PUDP: variants seen among roughly 807,000 people sequenced by gnomAD.
The protein encoded by PUDP is pseudouridine 5'-phosphatase.
In PUDP, 8 loss-of-function variants were observed where a neutral mutation model predicts 9.4. That is an observed-to-expected ratio of 0.85 (90% CI 0.50 to 1.53). PUDP has a LOEUF of 1.53. PUDP is among the 40% of genes most tolerant of loss of function. The pLI, the probability that PUDP is intolerant of heterozygous loss-of-function variation, is 0.00. For synonymous variants in PUDP, 99 were observed against 80.7 expected (o/e 1.23, Z -1.22); for missense variants, 188 against 189.7 (o/e 0.99, Z 0.05).
At chrX:7,068,998 A>G (rs1930650117) in intron 3 of PUDP, among the ~76,000 whole-genome samples, 1 of 112,112 alleles carries the variant, frequency 8.9e-6, no homozygotes. Context: ...CAAGTAGCAG[A>G]TAAGATCACC....
chrX:6,830,045 C>T (rs906240189), intron 3 of PUDP, among the ~76,000 whole-genome samples: 2 of 110,240 alleles, frequency 1.8e-5, no homozygotes, highest in Non-Finnish European at 3.8e-5. Flanking sequence ...GAATGCCTGT[C>T]AGTACCAGAA....
At chrX:6,907,162 CAGTG>C (rs1157374047) in intron 3 of PUDP, among the ~76,000 whole-genome samples, 1 of 110,845 alleles carries the variant, frequency 9.0e-6, no homozygotes, top group Admixed American at 9.6e-5. Context: ...ATTCTCATAA[CAGTG>C]AGTGAGTTCT....
At chrX:6,807,483 A>G (rs1304357472) in intron 3 of PUDP, among the ~76,000 whole-genome samples, 1 of 112,346 alleles carries the variant, frequency 8.9e-6, no homozygotes, top group South Asian at 3.7e-4. Flanking sequence ...TCTGTTGCAG[A>G]GTTTCTCTAC....
At chrX:6,952,172 C>T (rs1928567465) in intron 3 of PUDP, among the ~76,000 whole-genome samples, 1 of 111,956 alleles carries the variant, frequency 8.9e-6, no homozygotes, top group African/African-American at 3.2e-5. Flanking sequence ...GTTCAATGGG[C>T]ATTACATATA....
At chrX:7,130,961 G>A (rs184106531) in intron 1 of PUDP, among the ~76,000 whole-genome samples, 2 of 101,293 alleles carry the variant, frequency 2.0e-5, no homozygotes, top group Admixed American at 1.0e-4. Context: ...AGTGTAGGTC[G>A]ATGGCCACCT....
At chrX:6,838,427 G>C (rs1017390699) in intron 3 of PUDP, among the ~76,000 whole-genome samples, 1 of 112,308 alleles carries the variant, frequency 8.9e-6, no homozygotes, top group Non-Finnish European at 1.9e-5. Context: ...ACTTAGGCTA[G>C]AGTCAAGGTA....
chrX:7,067,679 T>C (rs1305524811), intron 3 of PUDP, among the ~76,000 whole-genome samples: 1 of 111,547 alleles, frequency 9.0e-6, no homozygotes, highest in Non-Finnish European at 1.9e-5. Flanking sequence ...GTTTGTGAAA[T>C]AACAGTACAG....
At chrX:7,137,887 T>G (rs760858168) in intron 1 of PUDP, among the ~76,000 whole-genome samples, 1 of 112,191 alleles carries the variant, frequency 8.9e-6, no homozygotes, top group Non-Finnish European at 1.9e-5. Context: ...TTCTAACTTG[T>G]ATCTCAGGCT....
chrX:7,099,797 T>C (rs980344100), intron 2 of PUDP, among the ~76,000 whole-genome samples: 7 of 112,101 alleles, frequency 6.2e-5, no homozygotes, highest in Non-Finnish European at 1.1e-4. Flanking sequence ...GATACACCTC[T>C]GCACCATAAT....
At chrX:6,848,624 C>T (rs1180265518) in intron 3 of PUDP, among the ~76,000 whole-genome samples, 1 of 111,957 alleles carries the variant, frequency 8.9e-6, no homozygotes, top group Non-Finnish European at 1.9e-5. Flanking sequence ...AATGTGCTTC[C>T]CAGTGTCCCG....
At chrX:6,717,287 C>T (rs1376779051) in intron 1 of PUDP, among the ~76,000 whole-genome samples, 2 of 111,181 alleles carry the variant, frequency 1.8e-5, no homozygotes, top group East Asian at 2.8e-4. Context: ...GTTGCTGGAG[C>T]GATTGCCCCT....
At chrX:6,760,285 T>G (rs1925215691) in intron 3 of PUDP, among the ~76,000 whole-genome samples, 1 of 112,038 alleles carries the variant, frequency 8.9e-6, no homozygotes, top group South Asian at 3.8e-4. Context: ...TGATTTTTCT[T>G]TTGAGCCCTG....
chrX:7,087,809 G>C (rs1410808641), intron 2 of PUDP, among the ~76,000 whole-genome samples: 1 of 112,434 alleles, frequency 8.9e-6, no homozygotes, highest in African/African-American at 3.2e-5. Flanking sequence ...CAATACAGGC[G>C]ATGAGCATCC....
intron 3 of PUDP, among the ~76,000 whole-genome samples, chrX:6,757,196 G>A (rs185117750): frequency 1.8e-5 from 2 of 111,715 alleles, no homozygotes; most frequent in East Asian, 5.6e-4. Context: ...GAAGTAGATA[G>A]AGCCGGATGA....
At chrX:6,878,312 C>G (rs1355560259) in intron 3 of PUDP, among the ~76,000 whole-genome samples, 1 of 110,876 alleles carries the variant, frequency 9.0e-6, no homozygotes, top group Non-Finnish European at 1.9e-5. Flanking sequence ...GAAATTCCTG[C>G]CATTGAAGTA....
chrX:6,960,053 C>G lies in PUDP; in HGVS notation c.*247+17080G>C, dbSNP rs1442422479. Among the ~76,000 whole-genome samples the G allele has an allele frequency of 3.6e-5, 4 of 112,436 alleles. No homozygotes were observed. In the East Asian group the frequency reaches 1.1e-3, roughly 31 times the overall value. Reference sequence around the variant, plus strand: ...GAGAGAAATTTGCCTCAGAAGAAATCAAGCTTCAAATCTTACCTGTATCTG... The same window carrying G: ...GAGAGAAATTTGCCTCAGAAGAAATGAAGCTTCAAATCTTACCTGTATCTG... On this transcript the variant is annotated intron_variant and NMD_transcript_variant, in intron 3 of 3. Transcript: ENST00000655425.
At chrX:6,828,098 G>C (rs1308419655) in intron 3 of PUDP, among the ~76,000 whole-genome samples, 1 of 111,768 alleles carries the variant, frequency 8.9e-6, no homozygotes, top group Non-Finnish European at 1.9e-5. Flanking sequence ...CCACAGGAAA[G>C]ATGCTACAGG....
chrX:6,835,469 A>G (rs775250681), intron 3 of PUDP, among the ~76,000 whole-genome samples: 1 of 111,942 alleles, frequency 8.9e-6, no homozygotes, highest in South Asian at 3.7e-4. Context: ...TGTTAATGTC[A>G]CAACAGAAAT....
chrX:6,804,232 T>C (rs5948731), intron 3 of PUDP, among the ~76,000 whole-genome samples: 52,252 of 110,150 alleles, frequency 0.47, 10,462 homozygotes, highest in Non-Finnish European at 0.62. Context: ...GGTCATCCAA[T>C]GCTGCCTGCA....
Sources: gnomAD v4.1 joint callset for allele counts (sites outside exome capture counted in the v4.1 genomes callset) on GRCh38, gnomAD v4.1.1 for gene constraint, MANE v1.5 for transcripts, NCBI Gene and HGNC (gene_info 2026-07-23, HGNC 2026-07-21) for gene names.